Variants in DNAJC13 observed in about 807,000 individuals in gnomAD.
The protein encoded by DNAJC13 is dnaJ homolog subfamily C member 13.
DNAJC13 carries 75 observed loss-of-function variants against 290.5 expected under a neutral mutation model. The ratio of observed to expected loss-of-function variants is 0.26; its 90% CI spans 0.21 to 0.31. The LOEUF is 0.31. Among genes scored for constraint, DNAJC13 ranks in the 10% least tolerant of loss-of-function variants. The pLI is 1.00. For synonymous variants in DNAJC13, 862 were observed against 892.0 expected (o/e 0.97, Z 0.60); for missense variants, 2,260 against 2,674.5 (o/e 0.85, Z 3.42).
chr3:132,520,180 G>C (rs1475574637), intron 48 of DNAJC13, among the ~76,000 whole-genome samples: 5 of 152,188 alleles, frequency 3.3e-5, no homozygotes, highest in African/African-American at 1.2e-4. Flanking sequence ...CCTTTGTGGG[G>C]CATGTGATCT....
Position 132,479,423 on chromosome 3 carries a change from C to G in DNAJC13, c.2772+134C>G, listed in dbSNP as rs577590674. 9 of 613,582 alleles carry G rather than the reference C, an allele frequency of 1.5e-5. No homozygotes were observed. The South Asian group carries it at 2.0e-4, about 14-fold the overall frequency. The allele number at this position is 613,582 out of a possible 1,614,324, so 38.0% of individuals were successfully genotyped here. On this transcript the variant is annotated intron_variant, in intron 25 of 55. Coordinates refer to ENST00000260818, the MANE Select transcript of DNAJC13 (RefSeq NM_015268.4). ...CTTTTTAGACAGAAAGTTCTGTGTGCTCTAATCTCCTGGAGGGAGAGGTTT... is the reference window on the plus strand; with the variant it reads ...CTTTTTAGACAGAAAGTTCTGTGTGGTCTAATCTCCTGGAGGGAGAGGTTT...
intron 46 of DNAJC13, 27 bp from the exon 47 acceptor site, chr3:132,516,395 T>A: frequency 6.2e-7 from 1 of 1,610,838 alleles, no homozygotes. Context: ...TGATGATGCA[T>A]TCCTTGAAAT....
intron 29 of DNAJC13, among the ~76,000 whole-genome samples, chr3:132,486,703 G>C (rs185791434): frequency 6.6e-6 from 1 of 152,240 alleles, no homozygotes; most frequent in East Asian, 1.9e-4. Flanking sequence ...GGTGGCTATA[G>C]TAGTTTCTGG....
Position 132,492,603 on chromosome 3 carries a change from A to C in DNAJC13, c.3813A>C (p.Pro1271=). Residue 1271 remains proline (P), a synonymous_variant, in exon 33 of 56, where the codon CCA becomes CCC. Transcript: ENST00000260818. ...ATACACTCCGGTTTCCAGATTGGCC[A>C]ATTAAAGACCCGGTAAGTCAGCAGT... ...LCDTLRFPDW[P]IKDPVKLLKD... 1.2e-6 allele frequency: 2 copies of C among 1,613,498 alleles called. No individual in the cohort carries two copies. The highest frequency in any genetic ancestry group is 1.7e-6 in the Non-Finnish European group (2 of 1,179,676).
intron 21 of DNAJC13, 36 bp from the exon 22 acceptor site, chr3:132,474,896 T>G: frequency 7.6e-7 from 1 of 1,315,304 alleles, no homozygotes; most frequent in Non-Finnish European, 9.9e-7. Context: ...AAATGCTTAG[T>G]GCATCCTGCT....
At chr3:132,520,953 T>C (rs752536669) in intron 48 of DNAJC13, among the ~76,000 whole-genome samples, 13 of 152,160 alleles carry the variant, frequency 8.5e-5, no homozygotes, top group Non-Finnish European at 1.8e-4. Context: ...TTAAAATAGG[T>C]TAGTTATTAG....
intron 1 of DNAJC13, among the ~76,000 whole-genome samples, chr3:132,425,497 C>A (rs925439735): frequency 6.6e-6 from 1 of 152,206 alleles, no homozygotes; most frequent in African/African-American, 2.4e-5. Flanking sequence ...TATCACAGAT[C>A]TGTCCATCTT....
At chr3:132,463,651 G>T in intron 16 of DNAJC13, 45 bp from the exon 17 acceptor site, 1 of 1,570,194 alleles carries the variant, frequency 6.4e-7, no homozygotes, top group Non-Finnish European at 8.6e-7. Context: ...TGGATAGCTT[G>T]TCCTGGATTG....
chr3:132,523,089 T>C, intron 49 of DNAJC13, 68 bp from the exon 50 acceptor site: 1 of 1,608,836 alleles, frequency 6.2e-7, no homozygotes, highest in Non-Finnish European at 8.5e-7. Context: ...CCTCTAAAAC[T>C]TATGCTAAAG....
At chr3:132,519,519 T>C (rs1936019876) in intron 48 of DNAJC13, among the ~76,000 whole-genome samples, 2 of 152,310 alleles carry the variant, frequency 1.3e-5, no homozygotes, top group African/African-American at 4.8e-5. Context: ...ATAGGTATGA[T>C]TTTCAAGTAT....
chr3:132,419,032 T>G (rs189298689), intron 1 of DNAJC13, among the ~76,000 whole-genome samples: 48 of 152,368 alleles, frequency 3.2e-4, no homozygotes, highest in African/African-American at 1.1e-3. Flanking sequence ...CTTGTTCACA[T>G]TTTGTGTAAT....
chr3:132,506,977 C>G (rs1017830874), intron 42 of DNAJC13, among the ~76,000 whole-genome samples: 3 of 152,184 alleles, frequency 2.0e-5, no homozygotes, highest in Non-Finnish European at 4.4e-5. Context: ...GCTTTATAAA[C>G]TCTGGCTCTA....
Position 132,538,215 on chromosome 3 carries a change from C to T in DNAJC13, c.6665C>T (p.Thr2222Ile), listed in dbSNP as rs1936655870. 1 of 1,613,998 alleles carries T rather than the reference C, an allele frequency of 6.2e-7. No homozygotes were observed. Among genetic ancestry groups the T allele is most frequent in the African/African-American group, 1.3e-5 (1 of 75,054 alleles). The change falls in exon 56 of 56, where the codon ACA becomes ATA. Residue 2222 changes from threonine to isoleucine, a missense_variant. Thr to Ile is a moderately conservative substitution (Grantham distance 89). Transcript: ENST00000260818. ...VAGYLTAGTS[T>I]SVMSNLPPPV... ...GGCTACCTTACCGCAGGTACATCTACATCAGTCATGTCTAACCTGCCACCT... is the reference window on the plus strand; with the variant it reads ...GGCTACCTTACCGCAGGTACATCTATATCAGTCATGTCTAACCTGCCACCT...
intron 2 of DNAJC13, among the ~76,000 whole-genome samples, chr3:132,436,252 A>G (rs1939382554): frequency 6.6e-6 from 1 of 152,158 alleles, no homozygotes; most frequent in Non-Finnish European, 1.5e-5. Context: ...GCGTTAATCT[A>G]CTTCCTGTCT....
At chr3:132,426,940 A>G (rs1455587920) in intron 1 of DNAJC13, among the ~76,000 whole-genome samples, 1 of 151,992 alleles carries the variant, frequency 6.6e-6, no homozygotes, top group Non-Finnish European at 1.5e-5. Flanking sequence ...AATGTAGTAA[A>G]TAAGATTGAC....
chr3:132,508,116 A>G (rs990334931), intron 43 of DNAJC13, among the ~76,000 whole-genome samples: 1 of 152,246 alleles, frequency 6.6e-6, no homozygotes, highest in Admixed American at 6.5e-5. Flanking sequence ...CAACATTCCC[A>G]TAAGACAAAG....
At chr3:132,468,004 A>C (rs984285235) in intron 20 of DNAJC13, among the ~76,000 whole-genome samples, 2 of 152,196 alleles carry the variant, frequency 1.3e-5, no homozygotes, top group African/African-American at 4.8e-5. Context: ...TTTTATTCAG[A>C]ACTAGCCAGA....
At chr3:132,489,075 T>C (rs946506567) in intron 31 of DNAJC13, 54 bp downstream of exon 31, 27 of 1,450,928 alleles carry the variant, frequency 1.9e-5, no homozygotes, top group Non-Finnish European at 2.5e-5. Flanking sequence ...GTTTTGGCAC[T>C]ATAAAGTTTC....
At chr3:132,514,901 ACCTGG>A in intron 46 of DNAJC13, 1 of 149,228 alleles carries the variant, frequency 6.7e-6, no homozygotes, top group Non-Finnish European at 1.2e-5. Flanking sequence ...AAGGAAAATA[ACCTGG>A]GATTTTCAGT....
Sources: gnomAD v4.1 joint callset for allele counts (sites outside exome capture counted in the v4.1 genomes callset) on GRCh38, gnomAD v4.1.1 for gene constraint, MANE v1.5 for transcripts, NCBI Gene and HGNC (gene_info 2026-07-23, HGNC 2026-07-21) for gene names.